The following PTPRM variants were observed in gnomAD, a reference collection of about 807,000 sequenced individuals.
PTPRM encodes the protein protein tyrosine phosphatase receptor type M, also known as receptor-type tyrosine-protein phosphatase mu.
A neutral mutation model predicts 186.7 loss-of-function variants in PTPRM; 47 were observed. The ratio of observed to expected loss-of-function variants is 0.25; its 90% CI spans 0.20 to 0.32. The LOEUF is 0.32. PTPRM is among the 10% of genes least tolerant of loss of function. The pLI is 1.00. For missense variants in PTPRM, 1,494 were observed against 1,865.0 expected (o/e 0.80, Z 3.66); for synonymous variants, 668 against 674.9 (o/e 0.99, Z 0.16).
chr18:7,918,526 A>G (rs1282334441), intron 4 of PTPRM, among the ~76,000 whole-genome samples: 3 of 152,044 alleles, frequency 2.0e-5, no homozygotes, highest in African/African-American at 7.2e-5. Context: ...CCTGTTGGCA[A>G]TTTTCATGTC....
chr18:8,352,237 G>A (rs886688818), intron 23 of PTPRM, among the ~76,000 whole-genome samples: 9 of 152,208 alleles, frequency 5.9e-5, no homozygotes, highest in Admixed American at 2.0e-4. Flanking sequence ...GGCAATCTAG[G>A]TCTTCTCGGA....
At chr18:7,680,030 T>C (rs1027794302) in intron 1 of PTPRM, among the ~76,000 whole-genome samples, 2 of 151,968 alleles carry the variant, frequency 1.3e-5, no homozygotes, top group African/African-American at 4.8e-5. Flanking sequence ...CACACCTGGC[T>C]AATGTTTTTG....
intron 9 of PTPRM, among the ~76,000 whole-genome samples, chr18:8,084,578 A>G (rs759426898): frequency 3.3e-5 from 5 of 152,214 alleles, no homozygotes; most frequent in Non-Finnish European, 7.3e-5. Flanking sequence ...AATTGTAATG[A>G]CATGGTATAA....
chr18:8,064,739 A>G (rs1427258075), intron 7 of PTPRM, among the ~76,000 whole-genome samples: 1 of 152,208 alleles, frequency 6.6e-6, no homozygotes, highest in East Asian at 1.9e-4. Flanking sequence ...AGCACTGACC[A>G]ATTGAAAGCC....
At chr18:7,607,784 C>T (rs141299678) in intron 1 of PTPRM, among the ~76,000 whole-genome samples, 16 of 152,360 alleles carry the variant, frequency 1.1e-4, no homozygotes, top group South Asian at 8.3e-4. Context: ...ACTCATTCCT[C>T]GCTCTGCCTT....
At chr18:7,941,573 G>A (rs1359230365) in intron 5 of PTPRM, among the ~76,000 whole-genome samples, 1 of 152,114 alleles carries the variant, frequency 6.6e-6, no homozygotes, top group Non-Finnish European at 1.5e-5. Context: ...TAATTTATGT[G>A]CTCATATATT....
intron 1 of PTPRM, among the ~76,000 whole-genome samples, chr18:7,743,232 A>G (rs2040918269): frequency 1.3e-5 from 2 of 152,222 alleles, no homozygotes; most frequent in Admixed American, 1.3e-4. Context: ...ATCAGCTACC[A>G]CAATGGGAAT....
At chr18:7,602,903 G>A (rs949329779) in intron 1 of PTPRM, among the ~76,000 whole-genome samples, 2 of 123,044 alleles carry the variant, frequency 1.6e-5, no homozygotes, top group African/African-American at 7.1e-5. Flanking sequence ...CGATGTATTT[G>A]GAATTATTAT....
intron 2 of PTPRM, among the ~76,000 whole-genome samples, chr18:7,840,089 G>A (rs994650965): frequency 1.5e-5 from 2 of 133,894 alleles, no homozygotes; most frequent in African/African-American, 3.0e-5. Context: ...GGTGGAGGTG[G>A]GGGGGGAGGG....
At chr18:7,854,564 T>A (rs2047005973) in intron 2 of PTPRM, among the ~76,000 whole-genome samples, 1 of 152,090 alleles carries the variant, frequency 6.6e-6, no homozygotes, top group East Asian at 1.9e-4. Flanking sequence ...AGAACAGAAA[T>A]TCTTTGGCTT....
At chr18:8,259,440 T>A (rs1042265244) in intron 19 of PTPRM, among the ~76,000 whole-genome samples, 1 of 152,104 alleles carries the variant, frequency 6.6e-6, no homozygotes, top group Non-Finnish European at 1.5e-5. Flanking sequence ...AACACGTCTG[T>A]CTCCTTGTAG....
At chr18:7,954,634 A>T (rs1258155552) in intron 6 of PTPRM, among the ~76,000 whole-genome samples, 2 of 152,214 alleles carry the variant, frequency 1.3e-5, no homozygotes, top group African/African-American at 4.8e-5. Context: ...CCTAGAGCTT[A>T]AATACTACTA....
At chr18:8,353,055 A>G (rs1188148625) in intron 23 of PTPRM, among the ~76,000 whole-genome samples, 1 of 152,190 alleles carries the variant, frequency 6.6e-6, no homozygotes, top group Non-Finnish European at 1.5e-5. Context: ...ACCTGGGTTG[A>G]TTCCATGTCT....
At position 7,768,343 on chromosome 18, in the gene PTPRM, T is replaced by A. The variant is rs568194866; in HGVS notation, c.74-5806T>A. Among the ~76,000 whole-genome samples the A allele has an allele frequency of 9.2e-5, 14 of 151,816 alleles. No homozygotes were observed. In the East Asian group the frequency reaches 1.4e-3, roughly 15 times the overall value. Reference sequence around the variant, plus strand: ...TCGTCTCTATCAAAGGAAAAAAAAATTTAGCTAGGCAAGATGGCATGTGCC... The same window carrying A: ...TCGTCTCTATCAAAGGAAAAAAAAAATTAGCTAGGCAAGATGGCATGTGCC... On this transcript the variant is annotated intron_variant, in intron 1 of 32. Coordinates refer to ENST00000580170, the MANE Select transcript of PTPRM (RefSeq NM_001105244.2).
intron 27 of PTPRM, 76 bp from the exon 28 acceptor site, chr18:8,379,091 T>A (rs8082894): frequency 0.3 from 381,703 of 1,290,894 alleles, 58,602 homozygotes; most frequent in Non-Finnish European, 0.32. Context: ...GAAGTTTGCA[T>A]CTTTCGAAAA....
chr18:7,926,172 C>T (rs1316432990), intron 4 of PTPRM, among the ~76,000 whole-genome samples: 7 of 152,252 alleles, frequency 4.6e-5, no homozygotes, highest in Admixed American at 1.3e-4. Flanking sequence ...TAACTTCTTA[C>T]TGTTCTTTTC....
At chr18:7,623,236 A>G (rs904938246) in intron 1 of PTPRM, among the ~76,000 whole-genome samples, 5 of 152,050 alleles carry the variant, frequency 3.3e-5, no homozygotes, top group African/African-American at 1.2e-4. Flanking sequence ...TTGGAAAAAT[A>G]TGTATTGGGT....
intron 2 of PTPRM, among the ~76,000 whole-genome samples, chr18:7,807,950 G>C (rs16952550): frequency 0.16 from 25,063 of 151,968 alleles, 2,344 homozygotes; most frequent in East Asian, 0.31. Context: ...TTTACTCCTC[G>C]GATTCGTGGC....
chr18:8,306,935 A>G (rs985090133), intron 20 of PTPRM, among the ~76,000 whole-genome samples: 1 of 152,178 alleles, frequency 6.6e-6, no homozygotes, highest in African/African-American at 2.4e-5. Flanking sequence ...TGGTTGATAC[A>G]TATTTGTCTT....
Sources: allele counts gnomAD v4.1 joint callset (sites outside exome capture counted in the v4.1 genomes callset), GRCh38; gene constraint gnomAD v4.1.1; transcripts MANE v1.5; gene names NCBI Gene and HGNC (gene_info 2026-07-23, HGNC 2026-07-21).